The following IFRD1 variants were observed in gnomAD, a reference collection of about 807,000 sequenced individuals.
IFRD1 encodes the protein interferon related developmental regulator 1, also known as interferon-related developmental regulator 1.
A neutral mutation model predicts 52.9 loss-of-function variants in IFRD1; 35 were observed. The observed-to-expected ratio is 0.66, with a 90% CI of 0.51 to 0.88. IFRD1 has a LOEUF of 0.88. Ranked by LOEUF, IFRD1 falls within the 40% of genes least tolerant of loss-of-function variation. The pLI is 0.00. For synonymous variants in IFRD1, 184 were observed against 188.4 expected (o/e 0.98, Z 0.19); for missense variants, 517 against 550.8 (o/e 0.94, Z 0.61).
rs1160453836 is a variant in IFRD1, at chr7:112,427,870, C to T, written c.-182+4438C>T. On this transcript the variant is annotated intron_variant, in intron 1 of 12. Transcript: ENST00000005558. The stretch of plus-strand genomic sequence containing the variant: ...GTGGCTCCTATTCCCAAGGAGATCA[C>T]AGTCTGGAGAGGAGAGGGAAAGGCA... Among the ~76,000 whole-genome samples the T allele has an allele frequency of 3.9e-5, 6 of 152,166 alleles. No individual in the cohort carries two copies. In the South Asian group the frequency reaches 6.2e-4, roughly 16 times the overall value.
intron 8 of IFRD1, among the ~76,000 whole-genome samples, chr7:112,464,269 A>G (rs1051077657): frequency 6.6e-6 from 1 of 151,930 alleles, no homozygotes; most frequent in Non-Finnish European, 1.5e-5. Flanking sequence ...AGAGACTTAG[A>G]AAAAAAACTT....
upstream of IFRD1, chr7:112,450,330 G>A: frequency 3.8e-6 from 1 of 263,674 alleles, no homozygotes; most frequent in South Asian, 3.8e-5. Flanking sequence ...GGTAGGATCC[G>A]CGCCCCGCCC....
intron 5 of IFRD1, among the ~76,000 whole-genome samples, chr7:112,460,349 A>G (rs1795406239): frequency 7.3e-6 from 1 of 137,546 alleles, no homozygotes; most frequent in Admixed American, 8.8e-5. Context: ...GGCTCAGGTT[A>G]TCCTCCTGCC....
Position 112,475,548 on chromosome 7 carries a change from AT to A in IFRD1, c.*32del, listed in dbSNP as rs1563274671. ...TTCAGAACTTGAAGACTATTTTCTAATTTCTATTTTTTTTTCTATTTCAATG... is the reference window on the plus strand; with the variant it reads ...TTCAGAACTTGAAGACTATTTTCTAATTCTATTTTTTTTTCTATTTCAATG... On this transcript the variant is annotated 3_prime_UTR_variant, in exon 12 of 12. Coordinates refer to ENST00000403825, the MANE Select transcript of IFRD1 (RefSeq NM_001550.4). The A allele has an allele frequency of 1.5e-6, 2 of 1,357,438 alleles. No individual in the cohort carries two copies. The highest frequency in any genetic ancestry group is 2.1e-6 in the Non-Finnish European group (2 of 952,690). The allele number at this position is 1,357,438 out of a possible 1,614,324, so 84.1% of individuals were successfully genotyped here.
upstream of IFRD1, among the ~76,000 whole-genome samples, chr7:112,447,627 C>A (rs1231943414): frequency 6.6e-6 from 1 of 152,162 alleles, no homozygotes; most frequent in Non-Finnish European, 1.5e-5. Context: ...CTGGAGAAAG[C>A]CCTTTTTCCT....
chr7:112,472,574 A>T (rs1490747126), intron 10 of IFRD1, among the ~76,000 whole-genome samples, 192 bp from the exon 11 acceptor site: 1 of 152,216 alleles, frequency 6.6e-6, no homozygotes, highest in Admixed American at 6.5e-5. Context: ...GTATGAAAGC[A>T]AATAGCTTGA....
At chr7:112,435,434 G>C (rs1489584466) in intron 1 of IFRD1, 1 of 152,294 alleles carries the variant, frequency 6.6e-6, no homozygotes, top group Admixed American at 6.5e-5. Context: ...ATCTGACAAC[G>C]TGGGTATCAT....
intron 1 of IFRD1, among the ~76,000 whole-genome samples, chr7:112,436,274 A>T (rs1364918168): frequency 6.6e-6 from 1 of 152,240 alleles, no homozygotes; most frequent in Admixed American, 6.5e-5. Context: ...TAAAAATGAA[A>T]ATATTTGTTC....
chr7:112,441,855 C>A (rs1563259966), intron 1 of IFRD1, among the ~76,000 whole-genome samples: 1 of 152,098 alleles, frequency 6.6e-6, no homozygotes, highest in Non-Finnish European at 1.5e-5. Context: ...ATAGTGGACA[C>A]CTGAGGAATG....
At chr7:112,459,973 G>A (rs573513265) in intron 5 of IFRD1, among the ~76,000 whole-genome samples, 1 of 152,280 alleles carries the variant, frequency 6.6e-6, no homozygotes, top group African/African-American at 2.4e-5. Flanking sequence ...ATTAGCTTTT[G>A]CTACTTAACT....
chr7:112,470,042 A>G lies in IFRD1; in HGVS notation c.1041+1927A>G, dbSNP rs560725774. Among the ~76,000 whole-genome samples the G allele has an allele frequency of 5.9e-5, 9 of 151,890 alleles. No homozygotes were observed. The East Asian group carries it at 9.7e-4, about 16-fold the overall frequency. On this transcript the variant is annotated intron_variant, in intron 9 of 11. Transcript: ENST00000403825. ...AGGTTGCTCAACTGCCACAAAGGAT[A>G]TGTAAACATCTTAGTTGTGGTAGTG...
chr7:112,456,066 T>G lies in IFRD1; in HGVS notation c.264T>G (p.Ile88Met). The G allele has an allele frequency of 6.2e-7, 1 of 1,603,408 alleles. No homozygotes were observed. Among genetic ancestry groups the G allele is most frequent in the African/African-American group, 1.3e-5 (1 of 74,824 alleles). Residue 88 changes from isoleucine to methionine, a missense_variant, in exon 3 of 12, where the codon ATT becomes ATG. Coordinates refer to ENST00000403825, the MANE Select transcript of IFRD1 (RefSeq NM_001550.4). ...EDLEYKLKGL[I>M]DLTLDKSAKT... ...TAGAGTACAAGTTGAAGGGATTAAT[T>G]GACCTAACCCTGGATAAGAGGTAGG...
At chr7:112,458,781 A>G in intron 4 of IFRD1, 80 bp from the exon 5 acceptor site, 1 of 1,321,910 alleles carries the variant, frequency 7.6e-7, no homozygotes, top group Non-Finnish European at 1.1e-6. Flanking sequence ...TTTGTCATTG[A>G]TCAAATTTGG....
At chr7:112,437,263 T>G (rs936070878) in intron 1 of IFRD1, 3 of 154,854 alleles carry the variant, frequency 1.9e-5, no homozygotes, top group Non-Finnish European at 4.4e-5. Flanking sequence ...AAAATATGTA[T>G]GGAGTGTCTC....
chr7:112,451,506 A>G (rs180882644), intron 1 of IFRD1, among the ~76,000 whole-genome samples: 101 of 152,202 alleles, frequency 6.6e-4, no homozygotes, highest in African/African-American at 2.2e-3. Flanking sequence ...TGCATTCTAT[A>G]TGTTCTCTGC....
intron 10 of IFRD1, 31 bp from the exon 11 acceptor site, chr7:112,472,735 T>G: frequency 1.5e-6 from 2 of 1,315,796 alleles, no homozygotes; most frequent in Non-Finnish European, 2.2e-6. Context: ...TGTTTAATAC[T>G]GAGCCATACC....
intron 9 of IFRD1, among the ~76,000 whole-genome samples, chr7:112,468,777 C>T (rs542928866): frequency 3.3e-5 from 5 of 152,272 alleles, no homozygotes; most frequent in African/African-American, 9.6e-5. Context: ...GGATTACAGG[C>T]GTGAGCCACC....
chr7:112,449,238 A>G (rs1055526053), upstream of IFRD1, among the ~76,000 whole-genome samples: 11 of 152,104 alleles, frequency 7.2e-5, no homozygotes, highest in Non-Finnish European at 1.3e-4. Context: ...TAAGAGTGCT[A>G]TTTTAAAACT....
intron 11 of IFRD1, among the ~76,000 whole-genome samples, chr7:112,474,085 T>G (rs1795831475): frequency 6.6e-6 from 1 of 152,234 alleles, no homozygotes; most frequent in Admixed American, 6.5e-5. Flanking sequence ...CTTTATTCTT[T>G]TTTGTGGCAG....
Sources: allele counts gnomAD v4.1 joint callset (sites outside exome capture counted in the v4.1 genomes callset), GRCh38; gene constraint gnomAD v4.1.1; transcripts MANE v1.5; gene names NCBI Gene and HGNC (gene_info 2026-07-23, HGNC 2026-07-21).